Variants in RGS6 observed in about 807,000 individuals in gnomAD.
The protein encoded by RGS6 is regulator of G-protein signaling 6.
RGS6 carries 30 observed loss-of-function variants against 78.5 expected under a neutral mutation model. The ratio of observed to expected loss-of-function variants is 0.38; its 90% CI spans 0.29 to 0.52. RGS6 has a LOEUF of 0.52. Ranked by LOEUF, RGS6 falls within the 20% of genes least tolerant of loss-of-function variation. RGS6 has a pLI of 0.85. For synonymous variants in RGS6, 206 were observed against 206.0 expected (o/e 1.00, Z 0.00); for missense variants, 495 against 609.7 (o/e 0.81, Z 1.98).
intron 12 of RGS6, among the ~76,000 whole-genome samples, chr14:72,486,210 T>C (rs2096486055): frequency 6.6e-6 from 1 of 152,210 alleles, no homozygotes; most frequent in South Asian, 2.1e-4. Flanking sequence ...CCAGCCATGC[T>C]GAACCATGAG....
intron 17 of RGS6, among the ~76,000 whole-genome samples, chr14:72,546,373 G>A (rs1470888491): frequency 3.9e-5 from 6 of 152,198 alleles, no homozygotes; most frequent in African/African-American, 1.4e-4. Context: ...TGGGTACAGA[G>A]AAGACAAAGT....
chr14:72,180,705 A>C (rs117289952), intron 2 of RGS6, among the ~76,000 whole-genome samples: 2,153 of 152,340 alleles, frequency 0.014, 20 homozygotes, highest in Non-Finnish European at 0.021. Context: ...CCTTTGCAGT[A>C]GTGTTGAGAC....
intron 2 of RGS6, among the ~76,000 whole-genome samples, chr14:72,229,139 G>A (rs184568200): frequency 8.5e-4 from 129 of 152,250 alleles, no homozygotes; most frequent in African/African-American, 2.9e-3. Flanking sequence ...CAATAGTAAC[G>A]TCTTGCAAAT....
At chr14:72,332,316 G>A (rs957478865) in intron 2 of RGS6, among the ~76,000 whole-genome samples, 4 of 152,230 alleles carry the variant, frequency 2.6e-5, no homozygotes, top group Non-Finnish European at 5.9e-5. Flanking sequence ...CCAGGCGGTA[G>A]GTTTGCCTGC....
chr14:71,875,588 A>T, the RGS6 span, among the ~76,000 whole-genome samples: 1 of 152,172 alleles, frequency 6.6e-6, no homozygotes, highest in South Asian at 2.1e-4. Flanking sequence ...ATCATTTCAA[A>T]AAACCAGCTC....
chr14:72,184,379 C>CAT (rs35319049), intron 2 of RGS6, among the ~76,000 whole-genome samples: 7 of 147,516 alleles, frequency 4.7e-5, no homozygotes, highest in African/African-American at 1.5e-4. Flanking sequence ...AACACACACA[C>CAT]ACACACACAC....
At chr14:71,993,058 ATGT>A (rs1461479435) in intron 2 of RGS6, among the ~76,000 whole-genome samples, 3 of 152,078 alleles carry the variant, frequency 2.0e-5, no homozygotes, top group African/African-American at 7.2e-5. Context: ...CTTTAAGGAG[ATGT>A]TGTCTTTACA....
chr14:72,282,657 G>T (rs1339419179), intron 2 of RGS6, among the ~76,000 whole-genome samples: 1 of 152,148 alleles, frequency 6.6e-6, no homozygotes, highest in Non-Finnish European at 1.5e-5. Context: ...TGTACATTTT[G>T]ATGAGTTTGG....
intron 2 of RGS6, among the ~76,000 whole-genome samples, chr14:72,237,205 A>G (rs1411611592): frequency 6.6e-6 from 1 of 152,188 alleles, no homozygotes; most frequent in Non-Finnish European, 1.5e-5. Flanking sequence ...GTGCTGAATC[A>G]TATTCCATTG....
intron 2 of RGS6, among the ~76,000 whole-genome samples, chr14:72,335,494 G>A (rs925506753): frequency 5.9e-5 from 9 of 152,166 alleles, no homozygotes; most frequent in Admixed American, 4.6e-4. Context: ...CAGGGACAGG[G>A]CATTGGCTCA....
chr14:72,121,472 C>T (rs1302361180), intron 2 of RGS6, among the ~76,000 whole-genome samples: 2 of 152,124 alleles, frequency 1.3e-5, no homozygotes, highest in Non-Finnish European at 2.9e-5. Flanking sequence ...GTTAGATGGC[C>T]TGGAGGCTCA....
At chr14:72,124,331 G>A (rs1045597770) in intron 2 of RGS6, among the ~76,000 whole-genome samples, 2 of 152,122 alleles carry the variant, frequency 1.3e-5, no homozygotes, top group African/African-American at 4.8e-5. Flanking sequence ...CAGTTCGCAG[G>A]AAACCACTAC....
intron 2 of RGS6, among the ~76,000 whole-genome samples, chr14:72,087,333 A>G (rs1305519248): frequency 2.0e-5 from 3 of 151,928 alleles, no homozygotes; most frequent in Non-Finnish European, 2.9e-5. Context: ...GTTTTGCCAT[A>G]TTGGCCAGGC....
chr14:72,598,078 C>T, the RGS6 span, among the ~76,000 whole-genome samples: 9 of 152,214 alleles, frequency 5.9e-5, no homozygotes, highest in South Asian at 6.2e-4. Flanking sequence ...TGCAGACCAA[C>T]GGAGCTGGAA....
the RGS6 span, among the ~76,000 whole-genome samples, chr14:72,581,382 T>C: frequency 6.6e-6 from 1 of 152,162 alleles, no homozygotes; most frequent in African/African-American, 2.4e-5. Context: ...ACTACATTCC[T>C]TCTTCCCCAC....
At chr14:72,037,446 C>T (rs1431112435) in intron 2 of RGS6, among the ~76,000 whole-genome samples, 2 of 152,196 alleles carry the variant, frequency 1.3e-5, no homozygotes, top group African/African-American at 4.8e-5. Flanking sequence ...ACTCTGGATA[C>T]ATCTGAAGGA....
intron 3 of RGS6, among the ~76,000 whole-genome samples, chr14:72,419,023 G>C (rs939930659): frequency 6.6e-6 from 1 of 152,180 alleles, no homozygotes; most frequent in African/African-American, 2.4e-5. Context: ...GCCCACCCAG[G>C]GAGCGGGCTG....
At chr14:72,236,726 G>T (rs1202944013) in intron 2 of RGS6, among the ~76,000 whole-genome samples, 1 of 152,160 alleles carries the variant, frequency 6.6e-6, no homozygotes, top group East Asian at 1.9e-4. Context: ...AGGGGGCCGG[G>T]CAGAGGTGCT....
At chr14:72,395,180 C>G (rs2090921312) in intron 3 of RGS6, among the ~76,000 whole-genome samples, 1 of 152,128 alleles carries the variant, frequency 6.6e-6, no homozygotes, top group South Asian at 2.1e-4. Context: ...CACGAGTACT[C>G]ATTTTAAAGG....
Sources: allele counts gnomAD v4.1 joint callset (sites outside exome capture counted in the v4.1 genomes callset), GRCh38; gene constraint gnomAD v4.1.1; transcripts MANE v1.5; gene names NCBI Gene and HGNC (gene_info 2026-07-23, HGNC 2026-07-21).